Variants in THBS2 observed in about 807,000 individuals in gnomAD.
THBS2 encodes the protein thrombospondin-2.
THBS2 carries 47 observed loss-of-function variants against 135.2 expected under a neutral mutation model. The ratio of observed to expected loss-of-function variants is 0.35; its 90% confidence interval spans 0.28 to 0.44. THBS2 has a LOEUF of 0.44. Ranked by LOEUF, THBS2 falls within the 20% of genes least tolerant of loss-of-function variation. THBS2 has a pLI of 1.00. For synonymous variants in THBS2, 639 were observed against 633.8 expected, an observed-to-expected ratio of 1.01 and a Z score of -0.12; for missense variants, 1,288 against 1,603.1, an observed-to-expected ratio of 0.80 and a Z score of 3.36.
At chr6:169,237,064 G>A in intron 9 of THBS2, 106 bp downstream of exon 9, 1 of 1,322,678 alleles carries the variant, frequency 7.6e-7, no homozygotes, top group Non-Finnish European at 1.0e-6. Context: ...GGCTGGGCTG[G>A]GCTGGAACAG....
rs1562350770 is a variant in THBS2 at position 169,216,823 on chromosome 6, A to C, written c.*999T>G. On this transcript the variant is annotated 3_prime_UTR_variant, in exon 22 of 22. Transcript: ENST00000617924. ...GTTGCATTCTATAGTCACTTAATAA[A>C]TATTAACAAAATATTTATAACTGGA... 6.6e-6 allele frequency: 1 copy of C among 152,250 alleles called. No individual in the cohort carries two copies. The highest frequency in any genetic ancestry group is 2.4e-5 in the African/African-American group (1 of 41,466). 9.4% of individuals were successfully genotyped at this position (152,250 alleles called of 1,614,324 possible). A position where few individuals can be genotyped will look rare whatever the true frequency, so the allele number is the denominator to read the frequency against.
At position 169,250,790 on chromosome 6, in the gene THBS2, C is replaced by G. The variant is rs1408317420; in HGVS notation, c.-6G>C. 6.2e-7 allele frequency: 1 copy of G among 1,612,868 alleles called. No homozygotes were observed. Among genetic ancestry groups the G allele is most frequent in the Non-Finnish European group, 8.5e-7 (1 of 1,179,508 alleles). ...AGGACCAGCCTCCAGACCATCCTGCCTCCTGCAGCTGAGCTCCTGGGAATA... is the reference window on the plus strand; with the variant it reads ...AGGACCAGCCTCCAGACCATCCTGCGTCCTGCAGCTGAGCTCCTGGGAATA... On this transcript the variant is annotated 5_prime_UTR_variant, in exon 2 of 22. Coordinates refer to ENST00000617924, the MANE Select transcript of THBS2 (RefSeq NM_003247.5).
At chr6:169,242,649 CCA>C (rs1780364345) in intron 4 of THBS2, among the ~76,000 whole-genome samples, 1 of 65,160 alleles carries the variant, frequency 1.5e-5, no homozygotes, top group Non-Finnish European at 3.1e-5. Context: ...CACCTTCCCA[CCA>C]CTCCCACCTT....
rs1417584732 is a variant in THBS2, at chr6:169,241,432, T to C, written c.891+330A>G. 1.4e-5 allele frequency among the ~76,000 whole-genome samples: 2 copies of C among 147,954 alleles called. No homozygotes were observed. The highest frequency in any genetic ancestry group is 4.0e-4 in the East Asian group (2 of 5,044). The stretch of plus-strand genomic sequence containing the variant: ...GTGTGTGTGTATGTGTGTGTATGTG[T>C]GTGTGTATGTGTGTGTGTGTGTGTA... On this transcript the variant is annotated intron_variant, in intron 5 of 21. Coordinates refer to ENST00000617924, the MANE Select transcript of THBS2 (RefSeq NM_003247.5). This position sits in a 1 kb window ranked among gnomAD's most constrained non-coding sequence, Gnocchi z 5.5.
At chr6:169,236,180 T>C (rs867078274) in intron 9 of THBS2, among the ~76,000 whole-genome samples, 16 of 51,662 alleles carry the variant, frequency 3.1e-4, no homozygotes, top group Admixed American at 4.6e-4. Flanking sequence ...TCCACACTCA[T>C]TCCCCATCCA....
rs199763966 is a variant in THBS2 at position 169,241,779 on chromosome 6, C to T, written c.874G>A (p.Glu292Lys). The T allele has an allele frequency of 3.7e-5, 60 of 1,610,348 alleles. No homozygotes were observed. The highest frequency in any genetic ancestry group is 7.7e-5 in the South Asian group (7 of 90,872). The change falls in exon 5 of 22, where the codon GAG (glutamate) becomes AAG (lysine). Residue 292 changes from glutamate to lysine, a missense_variant. Glu to Lys is a moderately conservative substitution (Grantham distance 56). This residue lies in a region of THBS2 where 414 missense variants were observed against 447.0 expected (regional missense o/e 0.93). Coordinates refer to ENST00000617924, the MANE Select transcript of THBS2 (RefSeq NM_003247.5). The surrounding 1 kb of genome is among the most constrained non-coding windows in gnomAD (Gnocchi z 5.5). The stretch of plus-strand genomic sequence containing the variant: ...GTACCCACCACTCTCTTGAGGTTCT[C>T]GCTGAGCTGGTTCACGAGGACGTGG... ...GLHVLVNQLS[E>K]NLKRVSNDNQ...
chr6:169,219,632 A>C (rs1013059758), intron 21 of THBS2, among the ~76,000 whole-genome samples: 6 of 152,178 alleles, frequency 3.9e-5, no homozygotes, highest in Admixed American at 2.6e-4. Context: ...GGCATGAGCC[A>C]CTGCCCCCAG....
chr6:169,228,248 C>G lies in THBS2; in HGVS notation c.2293G>C (p.Ala765Pro). ...CCAACCTCATCCTTGTCATAGTCAG[C>G]CTGGCGGGGATTGAAGAGGAGCTGG... ...NCQLLFNPRQ[A>P]DYDKDEVGDR... is the part of the protein sequence containing the mutation. Residue 765 changes from alanine (A) to proline (P), a missense_variant, in exon 15 of 22, where the codon GCT (alanine) becomes CCT (proline). Physicochemically the swap from Ala to Pro is conservative, Grantham distance 27. Coordinates refer to ENST00000617924, the MANE Select transcript of THBS2 (RefSeq NM_003247.5). 6.2e-7 allele frequency: 1 copy of G among 1,614,144 alleles called. No individual in the cohort carries two copies. Among genetic ancestry groups the G allele is most frequent in the Non-Finnish European group, 8.5e-7 (1 of 1,180,034 alleles).
At chr6:169,236,212 C>A (rs1174815470) in intron 9 of THBS2, among the ~76,000 whole-genome samples, 1 of 117,164 alleles carries the variant, frequency 8.5e-6, no homozygotes. Flanking sequence ...CCATAAACAC[C>A]ATCCACACTC....
chr6:169,230,782 A>G (rs975144099), intron 13 of THBS2, among the ~76,000 whole-genome samples: 2 of 152,202 alleles, frequency 1.3e-5, no homozygotes, highest in African/African-American at 2.4e-5. Context: ...TAGGCTGGGT[A>G]GCCAAGGGGT....
chr6:169,250,161 A>G (rs1156260841), intron 2 of THBS2, among the ~76,000 whole-genome samples: 2 of 152,378 alleles, frequency 1.3e-5, no homozygotes, highest in Non-Finnish European at 2.9e-5. Context: ...ACCACTTTCC[A>G]TAGAGTTACT....
Position 169,232,877 on chromosome 6 carries a change from C to G in THBS2, c.1779+13G>C. On this transcript the variant is annotated intron_variant, in intron 11 of 21. Transcript: ENST00000617924. ...ACCTCAGGGCGCCCACAGCCCAGGG[C>G]GGGGTCACCCACCTCGTCCAGGTCC... 1 of 1,601,930 alleles carries G rather than the reference C, an allele frequency of 6.2e-7. No individual in the cohort carries two copies. Among genetic ancestry groups the G allele is most frequent in the Non-Finnish European group, 8.5e-7 (1 of 1,173,672 alleles).
chr6:169,223,423 T>G lies in THBS2; in HGVS notation c.2826A>C (p.Pro942=). The change falls in exon 18 of 22, where the codon CCA becomes CCC. Residue 942 remains proline (P), a synonymous_variant. Transcript: ENST00000617924. ...TTTCAGGACACACATCATCAATATC[T>G]GGGATGTTGTCATTGTCAAAATCAT... ...CKDDFDNDNI[P]DIDDVCPENN... is the part of the protein sequence containing the mutation. 6.2e-7 allele frequency: 1 copy of G among 1,614,166 alleles called. No individual in the cohort carries two copies. Among genetic ancestry groups the G allele is most frequent in the East Asian group, 2.2e-5 (1 of 44,880 alleles).
chr6:169,230,122 C>T (rs1779781134), intron 13 of THBS2, among the ~76,000 whole-genome samples: 1 of 152,170 alleles, frequency 6.6e-6, no homozygotes, highest in African/African-American at 2.4e-5. Context: ...AAGAGTCTTT[C>T]AAATATGTAT....
At chr6:169,220,826 C>T (rs1030740249) in intron 20 of THBS2, among the ~76,000 whole-genome samples, 13 of 152,160 alleles carry the variant, frequency 8.5e-5, no homozygotes, top group African/African-American at 2.7e-4. Context: ...AACGTTCCAG[C>T]GAGGCCACGA....
intron 6 of THBS2, among the ~76,000 whole-genome samples, chr6:169,240,107 C>T (rs533722603): frequency 6.6e-6 from 1 of 152,316 alleles, no homozygotes; most frequent in South Asian, 2.1e-4. Context: ...GTATTTCCCC[C>T]AAACGTTTCT....
intron 10 of THBS2, among the ~76,000 whole-genome samples, chr6:169,233,740 C>T (rs35186376): frequency 5.3e-5 from 8 of 150,196 alleles, no homozygotes; most frequent in African/African-American, 2.0e-4. Flanking sequence ...ACGCCACCTT[C>T]CACACTACAC....
rs1779153430 is a variant in THBS2 at position 169,215,840 on chromosome 6, T to C, written c.*1982A>G. On this transcript the variant is annotated 3_prime_UTR_variant, in exon 22 of 22. Transcript: ENST00000617924. ...TGTTGTTAATCTTTAAAAATGAGGT[T>C]CTAGCTAAGTGCAGGGTTTCAGTGG... 1 of 152,544 alleles carries C rather than the reference T, an allele frequency of 6.6e-6. No individual in the cohort carries two copies. The highest frequency in any genetic ancestry group is 2.4e-5 in the African/African-American group (1 of 41,444). The allele number at this position is 152,544 out of a possible 1,614,324, so 9.4% of individuals were successfully genotyped here. A position where few individuals can be genotyped will look rare whatever the true frequency, so the allele number is the denominator to read the frequency against.
Position 169,232,043 on chromosome 6 carries a change from G to A in THBS2, c.2088C>T (p.Asp696=). The A allele has an allele frequency of 1.2e-6, 2 of 1,614,066 alleles. No homozygotes were observed. The highest frequency in any genetic ancestry group is 8.5e-7 in the Non-Finnish European group (1 of 1,179,970). The change falls in exon 13 of 22, where the codon GAC becomes GAT. Residue 696 remains aspartate (D), a synonymous_variant. Transcript: ENST00000617924. The stretch of plus-strand genomic sequence containing the variant: ...GATTGAGGTTGGGCCAGCCGTCCAG[G>A]TCCGAGTCCTCCCCGCAGATGAGCC... ...GDGLICGEDS[D]LDGWPNLNLV...
Sources: gnomAD v4.1 joint callset for allele counts (sites outside exome capture counted in the v4.1 genomes callset) on GRCh38, gnomAD v4.1.1 for gene constraint, gnomAD v4.1.1 regional missense constraint, Gnocchi (gnomAD v3.1) non-coding constraint, MANE v1.5 for transcripts, NCBI Gene and HGNC (gene_info 2026-07-23, HGNC 2026-07-21) for gene names.